Variants in PUM2 observed in about 807,000 individuals in gnomAD.
PUM2 encodes pumilio RNA binding family member 2.
PUM2 carries 57 observed loss-of-function variants against 124.5 expected under a neutral mutation model. The observed-to-expected ratio is 0.46, with a 90% CI of 0.37 to 0.57. The LOEUF (loss-of-function observed/expected upper bound fraction) is 0.57. Ranked by LOEUF, PUM2 falls within the 20% of genes least tolerant of loss-of-function variation. The pLI, the probability that PUM2 is intolerant of heterozygous loss-of-function variation, is 0.00. For missense variants in PUM2, 1,065 were observed against 1,290.6 expected (o/e 0.83, Z 2.68); for synonymous variants, 460 against 446.1 (o/e 1.03, Z -0.39).
At chr2:20,253,732 C>A in intron 20 of PUM2, 90 bp downstream of exon 20, 2 of 1,188,336 alleles carry the variant, frequency 1.7e-6, no homozygotes, top group Non-Finnish European at 1.2e-6. Flanking sequence ...CCAGTTATAA[C>A]ATACGGGAGG....
chr2:20,335,270 C>T (rs907819487), intron 1 of PUM2, among the ~76,000 whole-genome samples: 2 of 152,184 alleles, frequency 1.3e-5, no homozygotes, highest in African/African-American at 2.4e-5. Context: ...GTGGTATCTA[C>T]GGCAAACAAA....
chr2:20,258,587 A>G (rs923497325), intron 15 of PUM2, among the ~76,000 whole-genome samples: 2 of 151,636 alleles, frequency 1.3e-5, no homozygotes, highest in Admixed American at 6.6e-5. Flanking sequence ...CTTGTTACTA[A>G]TATGTTAACT....
chr2:20,314,707 C>A (rs1461684082), intron 3 of PUM2, among the ~76,000 whole-genome samples: 2 of 152,136 alleles, frequency 1.3e-5, no homozygotes, highest in African/African-American at 4.8e-5. Flanking sequence ...GTATGTGCAT[C>A]CAGGAGATTA....
chr2:20,273,962 G>C (rs1179174880), intron 13 of PUM2, among the ~76,000 whole-genome samples: 3 of 152,128 alleles, frequency 2.0e-5, no homozygotes, highest in African/African-American at 7.2e-5. Context: ...ATTAGATTCT[G>C]AGAGGCTAAT....
At chr2:20,336,681 TTGTGTGTGTGTGTG>T (rs113658730) in intron 1 of PUM2, among the ~76,000 whole-genome samples, 3 of 131,486 alleles carry the variant, frequency 2.3e-5, no homozygotes, top group Non-Finnish European at 4.8e-5. Flanking sequence ...CCTGGCTAAT[TTGTGTGTGTGTGTG>T]TGTGTGTGTG....
At chr2:20,325,764 G>C (rs1683534116) in intron 2 of PUM2, among the ~76,000 whole-genome samples, 1 of 152,136 alleles carries the variant, frequency 6.6e-6, no homozygotes. Flanking sequence ...TGGGACTACA[G>C]GCGCCTGCCG....
At chr2:20,307,754 T>A (rs578142832) in intron 7 of PUM2, among the ~76,000 whole-genome samples, 1 of 152,376 alleles carries the variant, frequency 6.6e-6, no homozygotes, top group South Asian at 2.1e-4. Flanking sequence ...TATGTGATAA[T>A]AACTTTTATC....
Position 20,301,695 on chromosome 2 carries a change from C to T in PUM2, c.884-4017G>A, listed in dbSNP as rs559861115. Among the ~76,000 whole-genome samples the T allele has an allele frequency of 6.6e-5, 10 of 152,204 alleles. No individual in the cohort carries two copies. In the East Asian group the frequency reaches 1.5e-3, roughly 24 times the overall value. ...CTTCACCTCCCAGGCTCAAGCGATC[C>T]TCCCACCTCAGCCTCCTGAGTAGCT... On this transcript the variant is annotated intron_variant, in intron 7 of 20. Coordinates refer to ENST00000361078, the MANE Select transcript of PUM2 (RefSeq NM_015317.5).
chr2:20,324,539 T>C (rs1683196994), intron 2 of PUM2, among the ~76,000 whole-genome samples: 1 of 152,180 alleles, frequency 6.6e-6, no homozygotes, highest in Non-Finnish European at 1.5e-5. Flanking sequence ...CCCAACAACC[T>C]AGAGAAGCTA....
intron 15 of PUM2, among the ~76,000 whole-genome samples, chr2:20,258,796 T>C (rs932221850): frequency 7.3e-5 from 11 of 151,212 alleles, no homozygotes; most frequent in African/African-American, 2.7e-4. Flanking sequence ...GCCTCCCGAG[T>C]AGCTGGGACT....
chr2:20,314,800 G>C (rs1409770454), intron 3 of PUM2, among the ~76,000 whole-genome samples: 1 of 152,138 alleles, frequency 6.6e-6, no homozygotes, highest in South Asian at 2.1e-4. Context: ...GCTAAGCAAT[G>C]AGCTATACAT....
chr2:20,308,098 G>C (rs747761236), intron 6 of PUM2, 27 bp from the exon 7 acceptor site: 1 of 1,583,778 alleles, frequency 6.3e-7, no homozygotes, highest in South Asian at 1.1e-5. Context: ...TTAACACAAA[G>C]ATTAGTGTCA....
chr2:20,290,836 ATAAG>A, intron 9 of PUM2, 46 bp from the exon 10 acceptor site: 1 of 1,410,368 alleles, frequency 7.1e-7, no homozygotes, highest in Non-Finnish European at 9.4e-7. Flanking sequence ...AAAATAATAG[ATAAG>A]TAAATTTATC....
At position 20,251,221 on chromosome 2, in the gene PUM2, A is replaced by G. The variant is rs531755133; in HGVS notation, c.*364T>C. 1.1e-5 allele frequency: 2 copies of G among 177,068 alleles called. No individual in the cohort carries two copies. Among genetic ancestry groups the G allele is most frequent in the South Asian group, 2.7e-4 (2 of 7,528 alleles). The allele number at this position is 177,068 out of a possible 1,614,324, so 11.0% of individuals were successfully genotyped here. ...CTACCAGACTGTGAGCCAGTTTATT[A>G]AAAGAATACTGTACTTTTTCCTTTA... On this transcript the variant is annotated 3_prime_UTR_variant, in exon 21 of 21. Transcript: ENST00000361078.
intron 4 of PUM2, among the ~76,000 whole-genome samples, chr2:20,312,003 T>A (rs953108675): frequency 6.6e-6 from 1 of 152,200 alleles, no homozygotes; most frequent in Non-Finnish European, 1.5e-5. Flanking sequence ...CAGATTATGT[T>A]TAAAAATTAG....
At chr2:20,274,294 G>A (rs896702075) in intron 13 of PUM2, among the ~76,000 whole-genome samples, 2 of 152,080 alleles carry the variant, frequency 1.3e-5, no homozygotes, top group African/African-American at 2.4e-5. Context: ...TGAATGCTTC[G>A]AATAATTCAT....
intron 9 of PUM2, among the ~76,000 whole-genome samples, chr2:20,292,133 T>C (rs1674279803): frequency 6.6e-6 from 1 of 151,048 alleles, no homozygotes; most frequent in South Asian, 2.1e-4. Flanking sequence ...ATGAGCTGCA[T>C]CATGCTGCTT....
At chr2:20,276,932 G>C (rs1203078345) in intron 13 of PUM2, among the ~76,000 whole-genome samples, 1 of 152,100 alleles carries the variant, frequency 6.6e-6, no homozygotes, top group Non-Finnish European at 1.5e-5. Context: ...CAACTGACCA[G>C]AATTCCTTCC....
At chr2:20,315,537 T>C (rs1264575417) in intron 3 of PUM2, among the ~76,000 whole-genome samples, 3 of 152,228 alleles carry the variant, frequency 2.0e-5, no homozygotes, top group Non-Finnish European at 4.4e-5. Flanking sequence ...CAAAATGTTA[T>C]GAGAGTTGGG....
Sources: gnomAD v4.1 joint callset for allele counts (sites outside exome capture counted in the v4.1 genomes callset) on GRCh38, gnomAD v4.1.1 for gene constraint, MANE v1.5 for transcripts, NCBI Gene and HGNC (gene_info 2026-07-23, HGNC 2026-07-21) for gene names.